The following SGCZ variants were observed in gnomAD, a reference collection of about 807,000 sequenced individuals.
SGCZ encodes the protein zeta-sarcoglycan.
A neutral mutation model predicts 41.3 loss-of-function variants in SGCZ; 40 were observed. That is an observed-to-expected ratio of 0.97 (90% CI 0.75 to 1.26). The LOEUF (loss-of-function observed/expected upper bound fraction) is 1.26. Among genes scored for constraint, SGCZ ranks in the 50% most tolerant of loss-of-function variants. The pLI is 0.00. For synonymous variants in SGCZ, 206 were observed against 137.5 expected, an observed-to-expected ratio of 1.50 and a Z score of -3.49; for missense variants, 552 against 369.8, an observed-to-expected ratio of 1.49 and a Z score of -4.04.
intron 1 of SGCZ, among the ~76,000 whole-genome samples, chr8:15,017,643 C>A (rs1217609033): frequency 6.6e-6 from 1 of 151,998 alleles, no homozygotes; most frequent in African/African-American, 2.4e-5. Flanking sequence ...GTAGCTGGGA[C>A]CACAGGCTCA....
intron 1 of SGCZ, among the ~76,000 whole-genome samples, chr8:15,021,025 T>G (rs960821733): frequency 6.6e-5 from 10 of 152,182 alleles, no homozygotes; most frequent in African/African-American, 2.4e-4. Flanking sequence ...TACAGAAACT[T>G]TAGACAGTGT....
intron 4 of SGCZ, among the ~76,000 whole-genome samples, chr8:14,190,301 AGCACCCC>A (rs969966637): frequency 1.3e-5 from 2 of 151,704 alleles, no homozygotes; most frequent in Non-Finnish European, 2.9e-5. Context: ...CGTGAGCCAC[AGCACCCC>A]GCCAGCGGAA....
chr8:14,949,403 A>C (rs1800557770), intron 1 of SGCZ, among the ~76,000 whole-genome samples: 1 of 152,150 alleles, frequency 6.6e-6, no homozygotes, highest in African/African-American at 2.4e-5. Flanking sequence ...ATTCCTTTAA[A>C]AAGAAAAACC....
intron 2 of SGCZ, among the ~76,000 whole-genome samples, chr8:14,430,278 T>C (rs1799906854): frequency 6.6e-6 from 1 of 152,130 alleles, no homozygotes; most frequent in Non-Finnish European, 1.5e-5. Context: ...CTAATGAACA[T>C]AGGTGCTAAA....
At chr8:14,860,196 G>C (rs1331298795) in intron 1 of SGCZ, among the ~76,000 whole-genome samples, 2 of 149,434 alleles carry the variant, frequency 1.3e-5, no homozygotes, top group African/African-American at 5.0e-5. Context: ...CTTTTTTTTT[G>C]TCTTTTTTTT....
intron 1 of SGCZ, among the ~76,000 whole-genome samples, chr8:14,838,374 G>A (rs533344701): frequency 6.6e-6 from 1 of 152,256 alleles, no homozygotes; most frequent in Non-Finnish European, 1.5e-5. Flanking sequence ...CTCAGAGATA[G>A]CAGAAGACTC....
At chr8:14,164,938 A>G (rs912218174) in intron 4 of SGCZ, 2 of 444,108 alleles carry the variant, frequency 4.5e-6, no homozygotes, top group Admixed American at 7.5e-5. Flanking sequence ...CTGACATAGC[A>G]TGTGAGTTTA....
chr8:14,424,550 T>G (rs1022227308), intron 2 of SGCZ, among the ~76,000 whole-genome samples: 8 of 152,222 alleles, frequency 5.3e-5, no homozygotes, highest in Non-Finnish European at 1.0e-4. Flanking sequence ...TATGGTACCA[T>G]AATGTACATT....
chr8:14,254,447 T>C (rs954790502), intron 3 of SGCZ, among the ~76,000 whole-genome samples: 1 of 152,148 alleles, frequency 6.6e-6, no homozygotes, highest in Non-Finnish European at 1.5e-5. Context: ...CAGGTGTAGG[T>C]AGAGCATTAG....
chr8:14,794,374 T>C (rs955537257), intron 1 of SGCZ, among the ~76,000 whole-genome samples: 10 of 152,240 alleles, frequency 6.6e-5, no homozygotes, highest in Admixed American at 3.9e-4. Flanking sequence ...TGCAGGATTA[T>C]ATAAAAGAAA....
chr8:15,031,014 T>C (rs551683002), intron 1 of SGCZ, among the ~76,000 whole-genome samples: 113 of 152,238 alleles, frequency 7.4e-4, no homozygotes, highest in African/African-American at 2.6e-3. Flanking sequence ...AGGAAATAAA[T>C]CCGAATTTTA....
Position 14,102,495 on chromosome 8 carries a change from C to T in SGCZ, c.625G>A (p.Glu209Lys). ...RAEPSQDLRL[E>K]SPTRSLIMEA... ...ATGATCAAGGATCTGGTGGGTGATT[C>T]AAGCCTAAGGGAAAAACAAAAAATC... Residue 209 changes from glutamate to lysine, a missense_variant, in exon 7 of 8, where the codon GAA (glutamate) becomes AAA (lysine). Physicochemically the swap from Glu to Lys is moderately conservative, Grantham distance 56. Coordinates refer to ENST00000382080, the MANE Select transcript of SGCZ (RefSeq NM_139167.4). The T allele has an allele frequency of 7.1e-7, 1 of 1,410,532 alleles. No individual in the cohort carries two copies. Among genetic ancestry groups the T allele is most frequent in the Non-Finnish European group, 9.4e-7 (1 of 1,066,946 alleles). The allele number at this position is 1,410,532 out of a possible 1,614,324, so 87.4% of individuals were successfully genotyped here.
chr8:14,433,181 T>C (rs1004775767), intron 2 of SGCZ, among the ~76,000 whole-genome samples: 17 of 152,170 alleles, frequency 1.1e-4, no homozygotes, highest in African/African-American at 4.1e-4. Context: ...AACATTTTAT[T>C]GGGAAATGCT....
chr8:14,464,573 T>C lies in SGCZ; in HGVS notation c.234+90159A>G, dbSNP rs559684732. 2.6e-5 allele frequency among the ~76,000 whole-genome samples: 4 copies of C among 151,482 alleles called. No individual in the cohort carries two copies. In the South Asian group the frequency reaches 8.3e-4, roughly 31 times the overall value. ...CTAATTTGTATGTTGATTTTCTTTA[T>C]TTTTTATTCTTTATTTTGTTTATCT... On this transcript the variant is annotated intron_variant, in intron 2 of 7. Coordinates refer to ENST00000382080, the MANE Select transcript of SGCZ (RefSeq NM_139167.4).
In SGCZ at chr8:14,466,014, T is replaced by C. The variant is rs544917201; in HGVS notation, c.234+88718A>G. The stretch of plus-strand genomic sequence containing the variant: ...GAGTTATAAAATATTGTTAAAATAA[T>C]ACTAGCTTTCATAATTGCTCACAGT... On this transcript the variant is annotated intron_variant, in intron 2 of 7. Transcript: ENST00000382080. Among the ~76,000 whole-genome samples the C allele has an allele frequency of 9.9e-5, 15 of 152,070 alleles. No homozygotes were observed. The South Asian group carries it at 2.7e-3, about 27-fold the overall frequency.
At position 15,003,652 on chromosome 8, in the gene SGCZ, T is replaced by C. The variant is rs1223743500; in HGVS notation, c.39+233933A>G. On this transcript the variant is annotated intron_variant, in intron 1 of 7. Transcript: ENST00000382080. ...TATGAAAACATAACATGTTTTTATATGACTCTTCAGCTTTTGGAAGACTTG... is the reference window on the plus strand; with the variant it reads ...TATGAAAACATAACATGTTTTTATACGACTCTTCAGCTTTTGGAAGACTTG... Among the ~76,000 whole-genome samples, 7 of 152,148 alleles carry C rather than the reference T, an allele frequency of 4.6e-5. No individual in the cohort carries two copies. The East Asian group carries it at 1.3e-3, about 29-fold the overall frequency.
At chr8:14,482,614 G>C (rs1801564705) in intron 2 of SGCZ, among the ~76,000 whole-genome samples, 1 of 152,136 alleles carries the variant, frequency 6.6e-6, no homozygotes, top group South Asian at 2.1e-4. Flanking sequence ...ATAGTGGTTA[G>C]ACATTATTTC....
intron 2 of SGCZ, among the ~76,000 whole-genome samples, chr8:14,393,231 G>T (rs746358607): frequency 1.2e-4 from 18 of 152,150 alleles, no homozygotes; most frequent in Non-Finnish European, 1.6e-4. Flanking sequence ...GGAGTCCTCA[G>T]TAAGGCTTTT....
At chr8:14,793,698 T>C (rs534517857) in intron 1 of SGCZ, among the ~76,000 whole-genome samples, 1 of 152,216 alleles carries the variant, frequency 6.6e-6, no homozygotes, top group South Asian at 2.1e-4. Flanking sequence ...GGTGAAACTG[T>C]TTGAGAAGCA....
Sources: allele counts gnomAD v4.1 joint callset (sites outside exome capture counted in the v4.1 genomes callset), GRCh38; gene constraint gnomAD v4.1.1; transcripts MANE v1.5; gene names NCBI Gene and HGNC (gene_info 2026-07-23, HGNC 2026-07-21).